DNAJC9: variants seen among roughly 807,000 people sequenced by gnomAD.
The protein encoded by DNAJC9 is dnaJ homolog subfamily C member 9.
In DNAJC9, 18 loss-of-function variants were observed where a neutral mutation model predicts 32.4. The ratio of observed to expected loss-of-function variants is 0.56; its 90% CI spans 0.38 to 0.82. The LOEUF is 0.82. Among genes scored for constraint, DNAJC9 ranks in the 40% least tolerant of loss-of-function variants. DNAJC9 has a pLI of 0.00. For synonymous variants in DNAJC9, 113 were observed against 122.1 expected (o/e 0.93, Z 0.49); for missense variants, 310 against 321.8 (o/e 0.96, Z 0.28).
In DNAJC9 at chr10:73,243,946, C is replaced by A; in HGVS notation, c.577-17G>T. 6.2e-7 allele frequency: 1 copy of A among 1,610,200 alleles called. No homozygotes were observed. The highest frequency in any genetic ancestry group is 8.5e-7 in the Non-Finnish European group (1 of 1,177,740). On this transcript the variant is annotated splice_polypyrimidine_tract_variant and intron_variant, in intron 3 of 4. Transcript: ENST00000372950. ...TTCCTGAGCCTGAAACAGGAACTCA[C>A]ATGAGACTCAGGGCCACCAGGAAAT...
chr10:73,244,061 A>G (rs539528863), intron 3 of DNAJC9, 132 bp from the exon 4 acceptor site: 12 of 681,968 alleles, frequency 1.8e-5, no homozygotes, highest in South Asian at 7.8e-5. Flanking sequence ...ATCGAATTAC[A>G]TAACTATGTC....
At chr10:73,245,636 C>G (rs2043998402) in intron 3 of DNAJC9, among the ~76,000 whole-genome samples, 1 of 152,074 alleles carries the variant, frequency 6.6e-6, no homozygotes. Context: ...CTGAGGAATG[C>G]CTCAGGAATG....
downstream of DNAJC9, chr10:73,239,229 C>G (rs1049711366): frequency 3.4e-6 from 4 of 1,177,486 alleles, no homozygotes; most frequent in African/African-American, 1.5e-5. Context: ...CTGTTGATTT[C>G]AAGGTGTTCC....
chr10:73,236,488 A>G (rs893586853), downstream of DNAJC9, among the ~76,000 whole-genome samples: 1 of 145,978 alleles, frequency 6.9e-6, no homozygotes, highest in Non-Finnish European at 1.5e-5. Context: ...ATCTCAGCTC[A>G]CTGCAACCTC....
chr10:73,237,672 T>G (rs1264938342), downstream of DNAJC9, among the ~76,000 whole-genome samples: 2 of 152,178 alleles, frequency 1.3e-5, 1 homozygote, highest in Non-Finnish European at 2.9e-5. Context: ...TCCACCTACC[T>G]TGGCCTCCCA....
Position 73,243,361 on chromosome 10 carries a change from T to C in DNAJC9, c.*39A>G, listed in dbSNP as rs1235228414. ...TGCCTGCACCTTGCCTACGATGGCA[T>C]CAATTTACACCTAAGGACCTTTGAA... On this transcript the variant is annotated 3_prime_UTR_variant, in exon 5 of 5. Transcript: ENST00000372950. 1.7e-5 allele frequency: 28 copies of C among 1,608,922 alleles called. No homozygotes were observed. The highest frequency in any genetic ancestry group is 2.3e-5 in the Non-Finnish European group (27 of 1,178,876).
chr10:73,242,395 T>A lies in DNAJC9; in HGVS notation c.*1005A>T, dbSNP rs886693864. ...GTTCACTATAACAACTGGATCAATA[T>A]GGCTTGCCTTTCAAAGTTAAAGAAT... On this transcript the variant is annotated 3_prime_UTR_variant, in exon 5 of 5. Transcript: ENST00000372950. 1.3e-5 allele frequency: 2 copies of A among 151,144 alleles called. No homozygotes were observed. Among genetic ancestry groups the A allele is most frequent in the African/African-American group, 2.4e-5 (1 of 40,930 alleles). The allele number at this position is 151,144 out of a possible 1,614,324, so 9.4% of individuals were successfully genotyped here.
intron 3 of DNAJC9, 88 bp downstream of exon 3, chr10:73,245,834 G>T: frequency 1.3e-6 from 2 of 1,519,800 alleles, no homozygotes; most frequent in South Asian, 2.5e-5. Context: ...TATTTCTGGA[G>T]TTTTATGTTT....
chr10:73,240,714 CAAA>C (rs55812252), downstream of DNAJC9, among the ~76,000 whole-genome samples: 1 of 106,904 alleles, frequency 9.4e-6, no homozygotes, highest in Admixed American at 9.6e-5. Flanking sequence ...ACTCCACCTC[CAAA>C]AAAAAAAAAA....
downstream of DNAJC9, chr10:73,234,929 C>G (rs1232308018): frequency 6.4e-7 from 1 of 1,551,868 alleles, no homozygotes; most frequent in East Asian, 2.4e-5. Context: ...TGTGGGGCCA[C>G]AAAGACAGAT....
At chr10:73,235,075 G>A (rs771223827), downstream of DNAJC9, 79 of 1,446,360 alleles carry the variant, frequency 5.5e-5, no homozygotes, top group Non-Finnish European at 6.9e-5. Context: ...AATTTATGAC[G>A]TGGAATTGGA....
chr10:73,241,036 C>G, downstream of DNAJC9: 1 of 1,423,840 alleles, frequency 7.0e-7, no homozygotes, highest in South Asian at 1.2e-5. Context: ...TGAGAAGAAT[C>G]TATCAGGCTG....
downstream of DNAJC9, among the ~76,000 whole-genome samples, chr10:73,238,199 T>C (rs1224068575): frequency 6.6e-6 from 1 of 151,842 alleles, no homozygotes; most frequent in African/African-American, 2.4e-5. Flanking sequence ...ACAAGAAAAT[T>C]AGCCAGGCAT....
chr10:73,239,879 T>C (rs1250487516), downstream of DNAJC9, among the ~76,000 whole-genome samples: 2 of 152,198 alleles, frequency 1.3e-5, no homozygotes, highest in Non-Finnish European at 2.9e-5. Context: ...CTTTTTATCT[T>C]TAAATTATAC....
chr10:73,246,859 C>A, intron 1 of DNAJC9, 31 bp from the exon 2 acceptor site: 1 of 1,611,588 alleles, frequency 6.2e-7, no homozygotes, highest in Non-Finnish European at 8.5e-7. Flanking sequence ...TAAATCACCC[C>A]TGCTCCTCCC....
chr10:73,233,351 A>T (rs1001633383), intron 2 of DNAJC9, among the ~76,000 whole-genome samples: 7 of 151,992 alleles, frequency 4.6e-5, no homozygotes, highest in African/African-American at 1.5e-4. Flanking sequence ...ATTTTATTTT[A>T]TTTTTTTAGA....
downstream of DNAJC9, chr10:73,240,959 T>A: frequency 6.5e-7 from 1 of 1,541,086 alleles, no homozygotes; most frequent in South Asian, 1.2e-5. Flanking sequence ...CTCAGTTACA[T>A]GGGTCTACAA....
chr10:73,233,308 C>T, intron 2 of DNAJC9: 1 of 635,558 alleles, frequency 1.6e-6, no homozygotes, highest in Non-Finnish European at 2.7e-6. Flanking sequence ...GGGTTTAGAT[C>T]CAACACAAAA....
At chr10:73,236,605 G>A (rs2043827822), downstream of DNAJC9, among the ~76,000 whole-genome samples, 1 of 151,658 alleles carries the variant, frequency 6.6e-6, no homozygotes, top group Non-Finnish European at 1.5e-5. Context: ...CTAGAGATGG[G>A]GTTTTGCCAT....
Sources: gnomAD v4.1 joint callset for allele counts (sites outside exome capture counted in the v4.1 genomes callset) on GRCh38, gnomAD v4.1.1 for gene constraint, MANE v1.5 for transcripts, NCBI Gene and HGNC (gene_info 2026-07-23, HGNC 2026-07-21) for gene names.